STX18: variants seen among roughly 807,000 people sequenced by gnomAD.
STX18 encodes syntaxin 18, also known as syntaxin-18.
STX18 carries 40 observed loss-of-function variants against 50.1 expected under a neutral mutation model. The ratio of observed to expected loss-of-function variants is 0.80; its 90% CI spans 0.62 to 1.04. The LOEUF (loss-of-function observed/expected upper bound fraction) is 1.04. Among genes scored for constraint, STX18 ranks in the 50% least tolerant of loss-of-function variants. The pLI is 0.00. For missense variants in STX18, 410 were observed against 415.8 expected (o/e 0.99, Z 0.12); for synonymous variants, 158 against 151.8 (o/e 1.04, Z -0.30).
chr4:4,526,099 A>C (rs1730737398), intron 1 of STX18, among the ~76,000 whole-genome samples: 1 of 152,124 alleles, frequency 6.6e-6, no homozygotes, highest in South Asian at 2.1e-4. Context: ...ATATCTGAGA[A>C]TCTTTGCGTG....
chr4:4,526,838 A>G (rs1345040010), intron 1 of STX18, among the ~76,000 whole-genome samples: 1 of 152,194 alleles, frequency 6.6e-6, no homozygotes, highest in African/African-American at 2.4e-5. Context: ...AAAGGCTTCA[A>G]AGATAACAAG....
intron 1 of STX18, among the ~76,000 whole-genome samples, chr4:4,517,410 T>C (rs959727448): frequency 6.6e-6 from 1 of 152,214 alleles, no homozygotes; most frequent in Non-Finnish European, 1.5e-5. Context: ...GTTGGTTTCT[T>C]GTTGGTGTTG....
chr4:4,463,827 G>C (rs1400654922), intron 2 of STX18, among the ~76,000 whole-genome samples: 3 of 151,974 alleles, frequency 2.0e-5, no homozygotes, highest in Non-Finnish European at 4.4e-5. Flanking sequence ...AGGTTTTCTT[G>C]GTACTATGCA....
chr4:4,534,220 G>A (rs1731230538), intron 1 of STX18, among the ~76,000 whole-genome samples: 1 of 152,202 alleles, frequency 6.6e-6, no homozygotes, highest in African/African-American at 2.4e-5. Flanking sequence ...AGTAAGCACT[G>A]CTGCTGGGGA....
intron 1 of STX18, among the ~76,000 whole-genome samples, chr4:4,525,165 C>G (rs948351325): frequency 6.6e-6 from 1 of 151,786 alleles, no homozygotes; most frequent in Admixed American, 6.6e-5. Context: ...TTTGAAAAGG[C>G]CTTTATGAGA....
chr4:4,447,484 G>A (rs945973536), intron 5 of STX18, among the ~76,000 whole-genome samples: 1 of 150,878 alleles, frequency 6.6e-6, no homozygotes, highest in Non-Finnish European at 1.5e-5. Context: ...CCAGCTACTC[G>A]GGAGGCTGAG....
intron 1 of STX18, among the ~76,000 whole-genome samples, chr4:4,482,753 A>G (rs1019203952): frequency 1.3e-5 from 2 of 152,190 alleles, no homozygotes; most frequent in African/African-American, 4.8e-5. Flanking sequence ...TCAAAATTGC[A>G]GGCCCAAGGA....
intron 1 of STX18, among the ~76,000 whole-genome samples, chr4:4,540,607 A>G (rs1236157263): frequency 1.3e-5 from 2 of 152,156 alleles, no homozygotes. Flanking sequence ...CAACACCTGC[A>G]AGGCTTTATG....
intron 5 of STX18, among the ~76,000 whole-genome samples, chr4:4,449,111 A>T (rs1726605053): frequency 7.8e-6 from 1 of 128,466 alleles, no homozygotes; most frequent in African/African-American, 3.1e-5. Context: ...TAGTGTTGTG[A>T]TCATAGCTCA....
At chr4:4,531,245 G>A (rs1342191000) in intron 1 of STX18, among the ~76,000 whole-genome samples, 1 of 151,810 alleles carries the variant, frequency 6.6e-6, no homozygotes, top group Admixed American at 6.6e-5. Context: ...AAATGTTTTG[G>A]TATATATGCT....
chr4:4,477,291 T>G (rs779073605), intron 1 of STX18, among the ~76,000 whole-genome samples: 11 of 152,140 alleles, frequency 7.2e-5, no homozygotes, highest in Non-Finnish European at 1.5e-4. Flanking sequence ...CTTTCTTCTT[T>G]TAACATTTTT....
At chr4:4,473,499 T>C (rs1728026010) in intron 1 of STX18, among the ~76,000 whole-genome samples, 1 of 152,054 alleles carries the variant, frequency 6.6e-6, no homozygotes, top group African/African-American at 2.4e-5. Context: ...TTCACCATGT[T>C]AGCCAGGATG....
chr4:4,439,637 A>C (rs901979124), intron 5 of STX18, among the ~76,000 whole-genome samples: 2 of 150,598 alleles, frequency 1.3e-5, no homozygotes, highest in African/African-American at 4.9e-5. Flanking sequence ...ACACACACAT[A>C]TATATACCTA....
At chr4:4,422,171 A>G (rs1209731237) in intron 9 of STX18, among the ~76,000 whole-genome samples, 3 of 152,204 alleles carry the variant, frequency 2.0e-5, no homozygotes, top group Non-Finnish European at 2.9e-5. Context: ...CAAAGTGTGA[A>G]CTAAGTGACC....
chr4:4,457,616 A>T, intron 3 of STX18, 116 bp from the exon 4 acceptor site: 1 of 752,890 alleles, frequency 1.3e-6, no homozygotes, highest in South Asian at 1.8e-5. Context: ...CACAGCTATA[A>T]AACAAGTCTT....
At chr4:4,450,866 G>T (rs1726709279) in intron 5 of STX18, among the ~76,000 whole-genome samples, 1 of 152,168 alleles carries the variant, frequency 6.6e-6, no homozygotes, top group African/African-American at 2.4e-5. Flanking sequence ...TAAAATAAAG[G>T]ACTCCTTTAA....
chr4:4,519,610 T>G (rs1730426476), intron 1 of STX18, among the ~76,000 whole-genome samples: 1 of 152,142 alleles, frequency 6.6e-6, no homozygotes, highest in African/African-American at 2.4e-5. Flanking sequence ...GTAAAACAGC[T>G]GAGAAGAACT....
intron 1 of STX18, chr4:4,507,333 T>C (rs1446323672): frequency 2.2e-5 from 16 of 742,632 alleles, no homozygotes; most frequent in Non-Finnish European, 2.8e-5. Flanking sequence ...CAGAGCTGAA[T>C]ATTATGGCAG....
At position 4,463,267 on chromosome 4, in the gene STX18, T is replaced by C. The variant is rs190269524; in HGVS notation, c.237-3780A>G. 2.5e-4 allele frequency among the ~76,000 whole-genome samples: 38 copies of C among 152,356 alleles called. 1 individual carries two copies. The highest frequency in any genetic ancestry group is 2.1e-3 in the Admixed American group (32 of 15,300). ...AGCATAAAAACAGCCCTAGACAATA[T>C]GTAAACAAATGAACGTGGCTGTGTG... On this transcript the variant is annotated intron_variant, in intron 2 of 10. Coordinates refer to ENST00000306200, the MANE Select transcript of STX18 (RefSeq NM_016930.4).
Sources: allele counts gnomAD v4.1 joint callset (sites outside exome capture counted in the v4.1 genomes callset), GRCh38; gene constraint gnomAD v4.1.1; transcripts MANE v1.5; gene names NCBI Gene and HGNC (gene_info 2026-07-23, HGNC 2026-07-21).